AP3M2: variants seen among roughly 807,000 people sequenced by gnomAD.
AP3M2 encodes the protein adaptor related protein complex 3 subunit mu 2.
In AP3M2, 28 loss-of-function variants were observed where a neutral mutation model predicts 41.6. The observed-to-expected ratio is 0.67, with a 90% CI of 0.50 to 0.92. The LOEUF (loss-of-function observed/expected upper bound fraction) is 0.92, where lower values mean the gene tolerates loss of function less well. AP3M2 is among the 40% of genes least tolerant of loss of function. The probability of loss-of-function intolerance (pLI) is 0.00; values close to 1 mark genes in which losing one functional copy is unlikely to be tolerated. For missense variants in AP3M2, 427 were observed against 521.4 expected (o/e 0.82, Z 1.76); for synonymous variants, 193 against 186.4 (o/e 1.04, Z -0.29).
intron 4 of AP3M2, 48 bp from the exon 5 acceptor site, chr8:42,165,021 CAG>C (rs778072806): frequency 1.3e-6 from 2 of 1,526,760 alleles, no homozygotes; most frequent in South Asian, 1.2e-5. Context: ...TTGAGAAGGA[CAG>C]AGAAGTATTC....
rs921663368 is a variant in AP3M2, at chr8:42,169,617, T to A, written c.*556T>A. The A allele has an allele frequency of 2.0e-5, 3 of 151,446 alleles. No homozygotes were observed. Among genetic ancestry groups the A allele is most frequent in the African/African-American group, 7.3e-5 (3 of 41,158 alleles). The allele number at this position is 151,446 out of a possible 1,614,324, so 9.4% of individuals were successfully genotyped here. A position where few individuals can be genotyped will look rare whatever the true frequency, so the allele number is the denominator to read the frequency against. The stretch of plus-strand genomic sequence containing the variant: ...TTAAGGAGGGATGGGAAGGAAAGAG[T>A]TGAGTTGGTTTCTTTCTGATTCCTC... On this transcript the variant is annotated 3_prime_UTR_variant, in exon 9 of 9. Transcript: ENST00000396926.
intron 7 of AP3M2, 36 bp downstream of exon 7, chr8:42,167,407 T>C: frequency 1.9e-6 from 3 of 1,607,792 alleles, no homozygotes; most frequent in Non-Finnish European, 2.6e-6. Flanking sequence ...TTGCTGATGT[T>C]AAGCAGAAAC....
chr8:42,153,993 A>G (rs1395852523), intron 1 of AP3M2: 1 of 152,216 alleles, frequency 6.6e-6, no homozygotes, highest in Non-Finnish European at 1.5e-5. Flanking sequence ...GGTTAAATTA[A>G]TTTTAATATA....
chr8:42,162,461 G>A, intron 4 of AP3M2, 43 bp downstream of exon 4: 1 of 1,565,434 alleles, frequency 6.4e-7, no homozygotes, highest in Non-Finnish European at 8.7e-7. Flanking sequence ...AAAATAGAAA[G>A]GGACCTCTTT....
In AP3M2 at chr8:42,170,105, T is replaced by C. The variant is rs1804756939; in HGVS notation, c.*1044T>C. On this transcript the variant is annotated 3_prime_UTR_variant, in exon 9 of 9. Transcript: ENST00000396926. ...GTGAGCTCATATCTCCATTTGTCAGTGCTGGACTGGTACCAGATCGTAACC... is the reference window on the plus strand; with the variant it reads ...GTGAGCTCATATCTCCATTTGTCAGCGCTGGACTGGTACCAGATCGTAACC... The C allele has an allele frequency of 6.6e-6, 1 of 152,186 alleles. No individual in the cohort carries two copies. 9.4% of individuals were successfully genotyped at this position (152,186 alleles called of 1,614,324 possible).
chr8:42,157,079 C>G (rs1182491121), intron 2 of AP3M2, among the ~76,000 whole-genome samples: 1 of 152,130 alleles, frequency 6.6e-6, no homozygotes, highest in East Asian at 1.9e-4. Flanking sequence ...CTCAGAGGTC[C>G]TGGAAAAGAC....
At chr8:42,157,639 T>A (rs1804391558) in intron 2 of AP3M2, among the ~76,000 whole-genome samples, 1 of 147,130 alleles carries the variant, frequency 6.8e-6, no homozygotes, top group Non-Finnish European at 1.5e-5. Flanking sequence ...AAGCACATAA[T>A]CAAGATTCAA....
In AP3M2 at chr8:42,165,072, C is replaced by T. The variant is rs1440801021; in HGVS notation, c.585C>T (p.Gly195=). ...CTTTTTGTCTTATTCCTGTCTCAGGCTCCACAATTACTGCTGAGATCCAGG... is the reference window on the plus strand; with the variant it reads ...CTTTTTGTCTTATTCCTGTCTCAGGTTCCACAATTACTGCTGAGATCCAGG... The part of the protein sequence containing the change: ...EEIDAIIDKS[G]STITAEIQGV... The change falls in exon 5 of 9, where the codon GGC becomes GGT. Residue 195 remains glycine (G), a splice_region_variant and synonymous_variant. Coordinates refer to ENST00000396926, the MANE Select transcript of AP3M2 (RefSeq NM_006803.4). 6.2e-7 allele frequency: 1 copy of T among 1,613,352 alleles called. No homozygotes were observed.
At chr8:42,157,707 C>T (rs1181768721) in intron 2 of AP3M2, among the ~76,000 whole-genome samples, 1 of 152,108 alleles carries the variant, frequency 6.6e-6, no homozygotes, top group Non-Finnish European at 1.5e-5. Context: ...ATTTAAGTTC[C>T]TCTTGTTTGT....
rs373713447 is a variant in AP3M2 at position 42,162,551 on chromosome 8, C to G, written c.583+133C>G. On this transcript the variant is annotated intron_variant, in intron 4 of 8. Coordinates refer to ENST00000396926, the MANE Select transcript of AP3M2 (RefSeq NM_006803.4). ...TTTAGTGCCTACTTTGTGCCAGGCA[C>G]TGTGCTGGGTACTGGGAATGGACGT... 3.8e-5 allele frequency: 39 copies of G among 1,028,472 alleles called. No homozygotes were observed. In the African/African-American group the frequency reaches 6.0e-4, roughly 16 times the overall value. The allele number at this position is 1,028,472 out of a possible 1,614,324, so 63.7% of individuals were successfully genotyped here. A position where few individuals can be genotyped will look rare whatever the true frequency, so the allele number is the denominator to read the frequency against.
At position 42,167,150 on chromosome 8, in the gene AP3M2, T is replaced by A. The variant is rs1267204919; in HGVS notation, c.804-14T>A. On this transcript the variant is annotated splice_polypyrimidine_tract_variant and intron_variant, in intron 6 of 8. Coordinates refer to ENST00000396926, the MANE Select transcript of AP3M2 (RefSeq NM_006803.4). ...AGTGCACGAATGAAATGACTCTTTG[T>A]CTCTCATTTCCAGTCTGGTTGCAAT... The A allele has an allele frequency of 6.2e-7, 1 of 1,609,928 alleles. No homozygotes were observed. Among genetic ancestry groups the A allele is most frequent in the Non-Finnish European group, 8.5e-7 (1 of 1,176,228 alleles).
intron 2 of AP3M2, among the ~76,000 whole-genome samples, chr8:42,156,932 CAG>C (rs1408394542): frequency 6.6e-6 from 1 of 152,116 alleles, no homozygotes; most frequent in African/African-American, 2.4e-5. Context: ...CTCTGCAAAA[CAG>C]AGCTAGGAGG....
chr8:42,160,699 A>G (rs977961992), intron 3 of AP3M2, among the ~76,000 whole-genome samples: 6 of 152,154 alleles, frequency 3.9e-5, no homozygotes, highest in Non-Finnish European at 1.5e-5. Context: ...TCCTAGCACC[A>G]TTGTGTAATT....
Position 42,167,311 on chromosome 8 carries a change from G to C in AP3M2, c.951G>C (p.Gly317=). 1 of 1,614,142 alleles carries C rather than the reference G, an allele frequency of 6.2e-7. No homozygotes were observed. The highest frequency in any genetic ancestry group is 8.5e-7 in the Non-Finnish European group (1 of 1,180,022). Residue 317 remains glycine, a synonymous_variant, in exon 7 of 9, where the codon GGG becomes GGC. Transcript: ENST00000396926. ...GVTVTSQMPK[G]VLNMSLTPSQ... Reference sequence around the variant, plus strand: ...CTGTCACCAGCCAGATGCCCAAGGGGGTCCTGAACATGAGCCTTACTCCAT... The same window carrying C: ...CTGTCACCAGCCAGATGCCCAAGGGCGTCCTGAACATGAGCCTTACTCCAT...
At chr8:42,153,690 G>C (rs1225710938) in intron 1 of AP3M2, 1 of 151,946 alleles carries the variant, frequency 6.6e-6, no homozygotes, top group Non-Finnish European at 1.5e-5. Context: ...GGAGGGGGCG[G>C]GGTTCTCCCT....
intron 3 of AP3M2, among the ~76,000 whole-genome samples, chr8:42,161,592 G>C (rs1186425306): frequency 2.0e-5 from 3 of 152,140 alleles, no homozygotes; most frequent in Non-Finnish European, 4.4e-5. Flanking sequence ...CTGGGCGATA[G>C]AGCGAGACTC....
In AP3M2 at chr8:42,154,916, CTGTT is replaced by C. The variant is rs775391299; in HGVS notation, c.233_236del (p.Phe78SerfsTer23). ...CGTGATCCAGACGGAGGTCCCCCCTCTGTTTGTCATTGAGTTTCTTCACCGAGTG... is the reference window on the plus strand; with the variant it reads ...CGTGATCCAGACGGAGGTCCCCCCTCTGTCATTGAGTTTCTTCACCGAGTG... On this transcript the variant is annotated frameshift_variant, in exon 2 of 9. Transcript: ENST00000396926. LOFTEE classifies it high-confidence loss of function. 15 of 1,614,156 alleles carry C rather than the reference CTGTT, an allele frequency of 9.3e-6. No homozygotes were observed. Among genetic ancestry groups the C allele is most frequent in the East Asian group, 4.5e-5 (2 of 44,882 alleles).
At chr8:42,162,481 C>A in intron 4 of AP3M2, 63 bp downstream of exon 4, 1 of 1,518,000 alleles carries the variant, frequency 6.6e-7, no homozygotes. Context: ...TCATATAATG[C>A]TTGTAGTTTC....
At chr8:42,166,211 C>T (rs373941442) in intron 6 of AP3M2, among the ~76,000 whole-genome samples, 1 of 152,162 alleles carries the variant, frequency 6.6e-6, no homozygotes, top group Non-Finnish European at 1.5e-5. Context: ...TACTTAATCT[C>T]AGTTAAGTAT....
Sources: gnomAD v4.1 joint callset for allele counts (sites outside exome capture counted in the v4.1 genomes callset) on GRCh38, gnomAD v4.1.1 for gene constraint, MANE v1.5 for transcripts, NCBI Gene and HGNC (gene_info 2026-07-23, HGNC 2026-07-21) for gene names.